The following FBXL17 variants were observed in gnomAD, a reference collection of about 807,000 sequenced individuals.
FBXL17 encodes F-box and leucine rich repeat protein 17.
FBXL17 carries 22 observed loss-of-function variants against 66.2 expected under a neutral mutation model. That is an observed-to-expected ratio of 0.33 (90% CI 0.24 to 0.47). The LOEUF (loss-of-function observed/expected upper bound fraction) is 0.47. Among genes scored for constraint, FBXL17 ranks in the 20% least tolerant of loss-of-function variants. The pLI, the probability that FBXL17 is intolerant of heterozygous loss-of-function variation, is 1.00. For missense variants in FBXL17, 878 were observed against 948.2 expected (o/e 0.93, Z 0.97); for synonymous variants, 474 against 400.5 (o/e 1.18, Z -2.19).
intron 5 of FBXL17, among the ~76,000 whole-genome samples, chr5:108,211,261 G>C (rs576424218): frequency 1.3e-5 from 2 of 152,158 alleles, no homozygotes; most frequent in Admixed American, 6.5e-5. Flanking sequence ...CACACTGATG[G>C]GTCTTGACTC....
At chr5:108,161,705 T>C (rs1408603732) in intron 6 of FBXL17, among the ~76,000 whole-genome samples, 3 of 152,228 alleles carry the variant, frequency 2.0e-5, no homozygotes, top group Non-Finnish European at 2.9e-5. Flanking sequence ...TTTCTCCACA[T>C]ATGTAAAGAA....
At chr5:108,240,324 C>G (rs1755800111) in intron 4 of FBXL17, among the ~76,000 whole-genome samples, 1 of 152,092 alleles carries the variant, frequency 6.6e-6, no homozygotes, top group Admixed American at 6.6e-5. Flanking sequence ...CAGAGAGAAG[C>G]CAACTGCCCT....
chr5:108,070,686 T>G (rs367984208), intron 6 of FBXL17, among the ~76,000 whole-genome samples: 1 of 152,230 alleles, frequency 6.6e-6, no homozygotes, highest in Non-Finnish European at 1.5e-5. Flanking sequence ...TTAATGTCAA[T>G]TAAAAATACA....
intron 5 of FBXL17, among the ~76,000 whole-genome samples, chr5:108,188,710 C>A (rs1402129287): frequency 6.6e-6 from 1 of 152,160 alleles, no homozygotes; most frequent in East Asian, 1.9e-4. Context: ...GTTTCCCCTT[C>A]CTCAAGGTTC....
At chr5:108,368,907 C>T (rs1226210617) in intron 1 of FBXL17, among the ~76,000 whole-genome samples, 2 of 96,530 alleles carry the variant, frequency 2.1e-5, no homozygotes, top group South Asian at 6.0e-4. Context: ...AAGATAGCTA[C>T]AAGGATTTAA....
chr5:108,302,276 T>C (rs905277578), intron 4 of FBXL17, among the ~76,000 whole-genome samples: 3 of 151,796 alleles, frequency 2.0e-5, no homozygotes, highest in African/African-American at 7.2e-5. Context: ...CACCAACATA[T>C]TGTAACTGAA....
In FBXL17 at chr5:108,381,284, C is replaced by A; in HGVS notation, c.408G>T (p.Ser136=). The part of the protein sequence containing the change: ...AAAAAAASAS[S]PASCCKELGL... ...CCAACTCTTTGCAGCAGGAGGCGGG[C>A]GACGAAGCCGAGGCGGCAGCGGCGG... The change falls in exon 1 of 9, where the codon TCG becomes TCT. Residue 136 remains serine (S), a synonymous_variant. Transcript: ENST00000542267. The A allele has an allele frequency of 7.1e-7, 1 of 1,413,894 alleles. No homozygotes were observed. The highest frequency in any genetic ancestry group is 9.2e-7 in the Non-Finnish European group (1 of 1,088,398). The allele number at this position is 1,413,894 out of a possible 1,614,324, so 87.6% of individuals were successfully genotyped here. A position where few individuals can be genotyped will look rare whatever the true frequency, so the allele number is the denominator to read the frequency against.
At chr5:107,900,835 T>C (rs1182407240) in intron 7 of FBXL17, among the ~76,000 whole-genome samples, 2 of 152,134 alleles carry the variant, frequency 1.3e-5, no homozygotes, top group African/African-American at 4.8e-5. Flanking sequence ...GCAAGTTGCA[T>C]CCACAGAGAA....
At chr5:108,178,980 C>A (rs1017158536) in intron 6 of FBXL17, among the ~76,000 whole-genome samples, 6 of 152,154 alleles carry the variant, frequency 3.9e-5, no homozygotes, top group African/African-American at 1.4e-4. Flanking sequence ...AATCTTTAAA[C>A]CTCAGTCTCT....
chr5:108,112,761 T>C (rs994739165), intron 6 of FBXL17, among the ~76,000 whole-genome samples: 1 of 150,442 alleles, frequency 6.6e-6, no homozygotes, highest in Non-Finnish European at 1.5e-5. Context: ...TGTAAAAAGA[T>C]CCAAATCAAA....
intron 6 of FBXL17, among the ~76,000 whole-genome samples, chr5:108,046,202 T>C (rs1747247828): frequency 1.3e-5 from 2 of 152,212 alleles, no homozygotes; most frequent in South Asian, 4.1e-4. Context: ...TATCATTACA[T>C]AATGTCCTTA....
intron 6 of FBXL17, among the ~76,000 whole-genome samples, chr5:108,093,223 T>C (rs1483837875): frequency 6.6e-6 from 1 of 152,086 alleles, no homozygotes; most frequent in Non-Finnish European, 1.5e-5. Context: ...TTTTCTGTAT[T>C]TTATGTGCCA....
chr5:107,987,394 C>T (rs752022084), intron 7 of FBXL17, among the ~76,000 whole-genome samples: 4 of 151,764 alleles, frequency 2.6e-5, no homozygotes, highest in Non-Finnish European at 4.4e-5. Context: ...GGTGCTAAAG[C>T]CGATCTTGAA....
At chr5:108,346,727 G>A (rs1304662260) in intron 4 of FBXL17, among the ~76,000 whole-genome samples, 1 of 152,094 alleles carries the variant, frequency 6.6e-6, no homozygotes, top group African/African-American at 2.4e-5. Context: ...AAGATACAGT[G>A]TCATTTAATC....
intron 6 of FBXL17, among the ~76,000 whole-genome samples, chr5:108,050,142 G>A (rs891170200): frequency 1.3e-5 from 2 of 152,198 alleles, no homozygotes; most frequent in Non-Finnish European, 2.9e-5. Flanking sequence ...AATAATGGGA[G>A]GCTTTAACAA....
intron 4 of FBXL17, among the ~76,000 whole-genome samples, chr5:108,254,203 A>T (rs1416451717): frequency 6.6e-6 from 1 of 152,234 alleles, no homozygotes; most frequent in Non-Finnish European, 1.5e-5. Context: ...TGAGATAATT[A>T]TGCCTTTTGA....
intron 7 of FBXL17, among the ~76,000 whole-genome samples, chr5:108,020,637 T>C (rs1322136885): frequency 6.6e-6 from 1 of 151,894 alleles, no homozygotes; most frequent in Non-Finnish European, 1.5e-5. Flanking sequence ...ATTTTCATTG[T>C]ATACCTCTTT....
At chr5:108,243,086 G>A (rs1177650950) in intron 4 of FBXL17, among the ~76,000 whole-genome samples, 1 of 152,038 alleles carries the variant, frequency 6.6e-6, no homozygotes, top group Non-Finnish European at 1.5e-5. Context: ...ATTCTATCTT[G>A]CTTAGTGCTA....
intron 4 of FBXL17, among the ~76,000 whole-genome samples, chr5:108,346,702 G>A (rs559009531): frequency 4.9e-4 from 74 of 152,042 alleles, no homozygotes; most frequent in Non-Finnish European, 7.2e-4. Flanking sequence ...GTCAGACTTC[G>A]TACTAGACAA....
Sources: allele counts gnomAD v4.1 joint callset (sites outside exome capture counted in the v4.1 genomes callset), GRCh38; gene constraint gnomAD v4.1.1; transcripts MANE v1.5; gene names NCBI Gene and HGNC (gene_info 2026-07-23, HGNC 2026-07-21).